CCDC6: variants seen among roughly 807,000 people sequenced by gnomAD.
CCDC6 encodes coiled-coil domain containing 6.
Under a neutral mutation model 56.6 loss-of-function variants are expected in CCDC6, and 20 were observed. The ratio of observed to expected loss-of-function variants is 0.35; its 90% CI spans 0.25 to 0.51. CCDC6 has a LOEUF of 0.51. Ranked by LOEUF, CCDC6 falls within the 20% of genes least tolerant of loss-of-function variation. CCDC6 has a pLI of 0.95. For synonymous variants in CCDC6, 241 were observed against 234.4 expected (o/e 1.03, Z -0.26); for missense variants, 367 against 601.1 (o/e 0.61, Z 4.07).
intron 1 of CCDC6, among the ~76,000 whole-genome samples, chr10:59,861,482 TACAAG>T (rs998151959): frequency 8.2e-6 from 1 of 122,362 alleles, no homozygotes; most frequent in Non-Finnish European, 1.8e-5. Context: ...AAAATCAAGA[TACAAG>T]ACAACAGAAA....
At chr10:59,834,722 G>A (rs1279712768) in intron 2 of CCDC6, among the ~76,000 whole-genome samples, 1 of 152,112 alleles carries the variant, frequency 6.6e-6, no homozygotes, top group Non-Finnish European at 1.5e-5. Flanking sequence ...AGAAAAGCAG[G>A]TGTAAGGAGG....
At chr10:59,844,588 T>TA (rs74766839) in intron 2 of CCDC6, among the ~76,000 whole-genome samples, 14,838 of 137,762 alleles carry the variant, frequency 0.11, 1,385 homozygotes, top group African/African-American at 0.26. Flanking sequence ...TGTCTCTACT[T>TA]AAAAAAAAAA....
chr10:59,806,666 ATAT>A, intron 6 of CCDC6: 1 of 415,106 alleles, frequency 2.4e-6, no homozygotes, highest in Non-Finnish European at 4.3e-6. Flanking sequence ...TGCTTCTCTA[ATAT>A]AACCCTGTCT....
intron 6 of CCDC6, 25 bp downstream of exon 6, chr10:59,806,895 AAC>A: frequency 1.9e-6 from 3 of 1,595,324 alleles, no homozygotes; most frequent in Non-Finnish European, 2.6e-6. Context: ...TTTAAACAAA[AAC>A]AAGGCTCATA....
rs2132616484 is a variant in CCDC6 at position 59,789,744 on chromosome 10, G to C, written c.*3173C>G. On this transcript the variant is annotated 3_prime_UTR_variant, in exon 9 of 9. Coordinates refer to ENST00000263102, the MANE Select transcript of CCDC6 (RefSeq NM_005436.5). The stretch of plus-strand genomic sequence containing the variant: ...CAAATATTGAGCTCTCAAAGCACAA[G>C]TTACTATGCTTTTTCTTGCCTTATT... The C allele has an allele frequency of 4.5e-6, 1 of 222,306 alleles. No individual in the cohort carries two copies. Among genetic ancestry groups the C allele is most frequent in the East Asian group, 6.7e-5 (1 of 15,016 alleles). 13.8% of individuals were successfully genotyped at this position (222,306 alleles called of 1,614,324 possible).
At chr10:59,797,699 G>C (rs2070535714) in intron 7 of CCDC6, among the ~76,000 whole-genome samples, 1 of 149,778 alleles carries the variant, frequency 6.7e-6, no homozygotes, top group Non-Finnish European at 1.5e-5. Context: ...GTGTGTGTGT[G>C]TGTGTGTGTG....
At chr10:59,841,737 G>T (rs7080447) in intron 2 of CCDC6, among the ~76,000 whole-genome samples, 24,710 of 151,134 alleles carry the variant, frequency 0.16, 2,544 homozygotes, top group African/African-American at 0.29. Flanking sequence ...GCGTGATCTC[G>T]GCTCACTGCA....
chr10:59,817,279 C>G (rs1448187649), intron 3 of CCDC6, among the ~76,000 whole-genome samples: 3 of 152,164 alleles, frequency 2.0e-5, no homozygotes, highest in Non-Finnish European at 4.4e-5. Flanking sequence ...CCACTGGGCT[C>G]AGGCATTCCT....
chr10:59,814,537 G>T, intron 4 of CCDC6, 115 bp downstream of exon 4: 1 of 640,990 alleles, frequency 1.6e-6, no homozygotes, highest in Non-Finnish European at 2.8e-6. Flanking sequence ...CAATTAAAAT[G>T]ATGTGCATCA....
intron 1 of CCDC6, among the ~76,000 whole-genome samples, chr10:59,875,006 C>A (rs1227256474): frequency 6.6e-6 from 1 of 152,178 alleles, no homozygotes; most frequent in Non-Finnish European, 1.5e-5. Context: ...ACAGCAGCAA[C>A]AGGAAACCAA....
At chr10:59,863,883 G>T (rs772185689) in intron 1 of CCDC6, among the ~76,000 whole-genome samples, 6 of 152,060 alleles carry the variant, frequency 3.9e-5, no homozygotes, top group Non-Finnish European at 7.4e-5. Flanking sequence ...AAAAAATGGG[G>T]CATATCTAAT....
At chr10:59,832,973 T>C (rs963579580) in intron 2 of CCDC6, among the ~76,000 whole-genome samples, 1 of 152,232 alleles carries the variant, frequency 6.6e-6, no homozygotes, top group Non-Finnish European at 1.5e-5. Flanking sequence ...TGAATTGCAG[T>C]TTATTCAGAT....
intron 2 of CCDC6, among the ~76,000 whole-genome samples, chr10:59,843,534 G>A (rs776738453): frequency 2.6e-5 from 4 of 152,144 alleles, no homozygotes; most frequent in Non-Finnish European, 5.9e-5. Context: ...TATAGTATAC[G>A]CCCGGTAATT....
intron 1 of CCDC6, among the ~76,000 whole-genome samples, chr10:59,867,599 G>A (rs2071188257): frequency 6.6e-6 from 1 of 152,146 alleles, no homozygotes; most frequent in Admixed American, 6.5e-5. Context: ...TGTCACCCAG[G>A]CTGAAGTGCA....
At chr10:59,824,966 T>G (rs966274600) in intron 3 of CCDC6, among the ~76,000 whole-genome samples, 3 of 152,266 alleles carry the variant, frequency 2.0e-5, no homozygotes, top group Admixed American at 6.5e-5. Context: ...AACATGGTTG[T>G]TCTTTGTGTT....
At chr10:59,901,056 C>CA (rs200582891) in intron 1 of CCDC6, among the ~76,000 whole-genome samples, 12 of 150,274 alleles carry the variant, frequency 8.0e-5, no homozygotes, top group South Asian at 4.2e-4. Context: ...GTCACACACA[C>CA]ACAAAAAAAA....
chr10:59,848,210 AATTTTCTTACTT>A (rs1462913351), intron 2 of CCDC6, among the ~76,000 whole-genome samples: 2 of 152,292 alleles, frequency 1.3e-5, no homozygotes, highest in South Asian at 4.1e-4. Flanking sequence ...CTGGGTAAGT[AATTTTCTTACTT>A]GTTCTTAACT....
intron 3 of CCDC6, among the ~76,000 whole-genome samples, chr10:59,819,415 A>C (rs2070734481): frequency 6.6e-6 from 1 of 152,158 alleles, no homozygotes; most frequent in African/African-American, 2.4e-5. Flanking sequence ...AAGAGCAGAG[A>C]AGTTAGAGGA....
At chr10:59,854,882 CA>C (rs2071068330) in intron 1 of CCDC6, among the ~76,000 whole-genome samples, 1 of 152,222 alleles carries the variant, frequency 6.6e-6, no homozygotes, top group Admixed American at 6.5e-5. Context: ...AGTTAAAGAA[CA>C]GAAAGGCTGA....
Sources: allele counts gnomAD v4.1 joint callset (sites outside exome capture counted in the v4.1 genomes callset), GRCh38; gene constraint gnomAD v4.1.1; transcripts MANE v1.5; gene names NCBI Gene and HGNC (gene_info 2026-07-23, HGNC 2026-07-21).